OSBPL9: variants seen among roughly 807,000 people sequenced by gnomAD.
The protein encoded by OSBPL9 is oxysterol-binding protein-related protein 9.
Under a neutral mutation model 106.6 loss-of-function variants are expected in OSBPL9, and 40 were observed. The observed-to-expected ratio is 0.38, with a 90% CI of 0.29 to 0.49. OSBPL9 has a LOEUF of 0.49. OSBPL9 is among the 20% of genes least tolerant of loss of function. The probability of loss-of-function intolerance (pLI) is 0.97; values close to 1 mark genes in which losing one functional copy is unlikely to be tolerated. For missense variants in OSBPL9, 609 were observed against 887.2 expected (o/e 0.69, Z 3.98); for synonymous variants, 269 against 295.4 (o/e 0.91, Z 0.92).
In OSBPL9 at chr1:51,691,529, A is replaced by T. The variant is rs540774740; in HGVS notation, c.241+22017A>T. ...TCTCGAACGCCTGACCTTGTGATCCACCTGCCTCGGCCTCCCAAAGTGCTG... is the reference window on the plus strand; with the variant it reads ...TCTCGAACGCCTGACCTTGTGATCCTCCTGCCTCGGCCTCCCAAAGTGCTG... On this transcript the variant is annotated intron_variant, in intron 3 of 23. Coordinates refer to ENST00000428468, the MANE Select transcript of OSBPL9 (RefSeq NM_024586.6). Among the ~76,000 whole-genome samples, 3 of 151,854 alleles carry T rather than the reference A, an allele frequency of 2.0e-5. No individual in the cohort carries two copies. In the South Asian group the frequency reaches 6.3e-4, roughly 32 times the overall value.
chr1:51,561,562 A>T, the OSBPL9 span: 1 of 152,232 alleles, frequency 6.6e-6, no homozygotes, highest in Non-Finnish European at 1.5e-5. Context: ...TTGTTGTTTC[A>T]GAAGTCCAGC....
chr1:51,718,988 C>A (rs780357913), intron 4 of OSBPL9, among the ~76,000 whole-genome samples: 8 of 152,204 alleles, frequency 5.3e-5, no homozygotes, highest in Non-Finnish European at 8.8e-5. Flanking sequence ...CCACCGTTTT[C>A]ATGGATTCAG....
intron 1 of OSBPL9, among the ~76,000 whole-genome samples, chr1:51,648,771 CATTTTT>C (rs1557636859): frequency 6.6e-6 from 1 of 152,172 alleles, no homozygotes; most frequent in Non-Finnish European, 1.5e-5. Context: ...GTGTCATTTT[CATTTTT>C]AATATAGGAA....
intron 2 of OSBPL9, among the ~76,000 whole-genome samples, chr1:51,610,424 C>A (rs1417337499): frequency 6.6e-6 from 1 of 151,896 alleles, no homozygotes; most frequent in Non-Finnish European, 1.5e-5. Flanking sequence ...CCATGCCCAG[C>A]TAATTTTGTA....
At chr1:51,617,763 T>C (rs918185433) in intron 1 of OSBPL9, among the ~76,000 whole-genome samples, 1 of 151,980 alleles carries the variant, frequency 6.6e-6, no homozygotes, top group African/African-American at 2.4e-5. Flanking sequence ...TCGGTTCAGG[T>C]TGTGTGTCTC....
intron 3 of OSBPL9, among the ~76,000 whole-genome samples, chr1:51,711,986 A>G (rs1467393835): frequency 6.6e-6 from 1 of 151,646 alleles, no homozygotes; most frequent in Non-Finnish European, 1.5e-5. Context: ...CCAGGCAGAG[A>G]CACTCCTCAC....
intron 3 of OSBPL9, among the ~76,000 whole-genome samples, chr1:51,676,139 T>C (rs944951448): frequency 6.6e-6 from 1 of 152,170 alleles, no homozygotes; most frequent in African/African-American, 2.4e-5. Flanking sequence ...TCAACTAGTT[T>C]ATAATTAACA....
intron 1 of OSBPL9, among the ~76,000 whole-genome samples, chr1:51,577,905 T>C (rs1031060716): frequency 6.6e-6 from 1 of 152,180 alleles, no homozygotes; most frequent in African/African-American, 2.4e-5. Context: ...ACTTTTAACT[T>C]CTTTATATGA....
At chr1:51,787,329 G>T in intron 22 of OSBPL9, 24 bp from the exon 23 acceptor site, 1 of 1,606,792 alleles carries the variant, frequency 6.2e-7, no homozygotes, top group Non-Finnish European at 8.5e-7. Flanking sequence ...AACATTGGCA[G>T]CTCCTCTTAC....
Position 51,651,848 on chromosome 1 carries a change from A to G in OSBPL9, c.112-143A>G, listed in dbSNP as rs564470817. 9 of 632,588 alleles carry G rather than the reference A, an allele frequency of 1.4e-5. No homozygotes were observed. In the South Asian group the frequency reaches 1.6e-4, roughly 11 times the overall value. 39.2% of individuals were successfully genotyped at this position (632,588 alleles called of 1,614,324 possible). On this transcript the variant is annotated intron_variant, in intron 1 of 23. Coordinates refer to ENST00000428468, the MANE Select transcript of OSBPL9 (RefSeq NM_024586.6). ...TTAAAATCTGTTTATTTTCCTATCC[A>G]TAAGTAATTTCTTTTTGGAAGAGAA... is the stretch of plus-strand genomic sequence containing the variant.
At chr1:51,776,003 A>G (rs902556315) in intron 14 of OSBPL9, among the ~76,000 whole-genome samples, 3 of 152,128 alleles carry the variant, frequency 2.0e-5, no homozygotes, top group East Asian at 1.9e-4. Flanking sequence ...GGGGTGTTCT[A>G]CTTCGTAATG....
chr1:51,651,535 G>A (rs984125499), intron 1 of OSBPL9, among the ~76,000 whole-genome samples: 28 of 152,062 alleles, frequency 1.8e-4, no homozygotes, highest in African/African-American at 6.0e-4. Flanking sequence ...CCCAGGAGGC[G>A]GAGGTTGCAG....
intron 3 of OSBPL9, chr1:51,707,547 G>A (rs1429661434): frequency 4.9e-5 from 9 of 181,992 alleles, no homozygotes; most frequent in Non-Finnish European, 4.6e-5. Flanking sequence ...CCTCATGGTC[G>A]TCATGCCACA....
the OSBPL9 span, among the ~76,000 whole-genome samples, chr1:51,530,196 A>AAAAAAAAAAAC: frequency 7.3e-6 from 1 of 137,172 alleles, no homozygotes; most frequent in Non-Finnish European, 1.6e-5. Context: ...AAAAAAACAA[A>AAAAAAAAAAAC]AAAAAAAAAC....
At chr1:51,677,954 G>A (rs1651673745) in intron 3 of OSBPL9, among the ~76,000 whole-genome samples, 1 of 151,882 alleles carries the variant, frequency 6.6e-6, no homozygotes, top group South Asian at 2.1e-4. Context: ...TGGGAGGATG[G>A]CTTGAGGCCA....
chr1:51,780,065 G>A (rs945917301), intron 15 of OSBPL9, among the ~76,000 whole-genome samples: 12 of 147,586 alleles, frequency 8.1e-5, no homozygotes, highest in East Asian at 6.0e-4. Flanking sequence ...ACAACAGAGC[G>A]AGACTCCATC....
chr1:51,655,124 A>G (rs899068441), intron 2 of OSBPL9, among the ~76,000 whole-genome samples: 2 of 152,144 alleles, frequency 1.3e-5, no homozygotes, highest in African/African-American at 4.8e-5. Flanking sequence ...ACACCCATAT[A>G]TTTCACAGTT....
At chr1:51,740,130 A>T in intron 4 of OSBPL9, 1 of 1,548,768 alleles carries the variant, frequency 6.5e-7, no homozygotes, top group Non-Finnish European at 8.7e-7. Context: ...TCTTTTCCTT[A>T]CTTTTATGGA....
intron 4 of OSBPL9, among the ~76,000 whole-genome samples, chr1:51,743,793 G>A (rs987597365): frequency 1.3e-5 from 2 of 152,040 alleles, no homozygotes; most frequent in African/African-American, 2.4e-5. Context: ...TTCTTTCATA[G>A]TACAGTACTC....
Sources: gnomAD v4.1 joint callset for allele counts (sites outside exome capture counted in the v4.1 genomes callset) on GRCh38, gnomAD v4.1.1 for gene constraint, MANE v1.5 for transcripts, NCBI Gene and HGNC (gene_info 2026-07-23, HGNC 2026-07-21) for gene names.